SEPTIN9: variants seen among roughly 807,000 people sequenced by gnomAD.
SEPTIN9 encodes septin 9, also known as septin-9.
In SEPTIN9, 13 loss-of-function variants were observed where a neutral mutation model predicts 56.6. The ratio of observed to expected loss-of-function variants is 0.23; its 90% CI spans 0.15 to 0.37. The LOEUF is 0.37. SEPTIN9 is among the 10% of genes least tolerant of loss of function. The probability of loss-of-function intolerance (pLI) is 1.00; values close to 1 mark genes in which losing one functional copy is unlikely to be tolerated. For missense variants in SEPTIN9, 650 were observed against 823.1 expected (o/e 0.79, Z 2.57); for synonymous variants, 332 against 334.1 (o/e 0.99, Z 0.07).
At chr17:77,401,816 C>T (rs1424281078) in intron 2 of SEPTIN9, among the ~76,000 whole-genome samples, 2 of 152,126 alleles carry the variant, frequency 1.3e-5, no homozygotes, top group East Asian at 3.9e-4. Flanking sequence ...TGCGCCGTGG[C>T]CATGGCAAGA....
rs918262818 is a variant in SEPTIN9, at chr17:77,330,207, G to A, written c.76+23010G>A. ...CGTCCTGTGCCGTGGGTGAGAGAGG[G>A]CTTCGGGGGGACTTCCCCCTCTTGG... is the stretch of plus-strand genomic sequence containing the variant. On this transcript the variant is annotated intron_variant, in intron 2 of 11. Coordinates refer to ENST00000427177, the MANE Select transcript of SEPTIN9 (RefSeq NM_001113491.2). The surrounding 1 kb of genome is among the most constrained non-coding windows in gnomAD (Gnocchi z 4.4). 2.6e-5 allele frequency among the ~76,000 whole-genome samples: 4 copies of A among 152,260 alleles called. No individual in the cohort carries two copies. The highest frequency in any genetic ancestry group is 9.6e-5 in the African/African-American group (4 of 41,482).
At chr17:77,468,710 G>A (rs2038854072) in intron 3 of SEPTIN9, among the ~76,000 whole-genome samples, 2 of 152,174 alleles carry the variant, frequency 1.3e-5, no homozygotes, top group South Asian at 4.1e-4. Context: ...CAGGTGCAAT[G>A]GAAACCAGTC....
At chr17:77,493,209 G>T in intron 10 of SEPTIN9, 133 bp downstream of exon 10, 1 of 710,100 alleles carries the variant, frequency 1.4e-6, no homozygotes, top group South Asian at 1.6e-5. Flanking sequence ...CCAGAGGGAG[G>T]GGTCTCCTTG....
At chr17:77,398,597 G>A (rs2035800947) in intron 2 of SEPTIN9, among the ~76,000 whole-genome samples, 1 of 152,224 alleles carries the variant, frequency 6.6e-6, no homozygotes, top group African/African-American at 2.4e-5. Context: ...TTCCAGCCGG[G>A]ACATGGTTTC....
At position 77,499,397 on chromosome 17, in the gene SEPTIN9, C is replaced by A. The variant is rs763352802; in HGVS notation, c.*739C>A. The A allele has an allele frequency of 3.7e-6, 2 of 545,662 alleles. No homozygotes were observed. Among genetic ancestry groups the A allele is most frequent in the Non-Finnish European group, 7.1e-6 (2 of 281,780 alleles). 33.8% of individuals were successfully genotyped at this position (545,662 alleles called of 1,614,324 possible). A position where few individuals can be genotyped will look rare whatever the true frequency, so the allele number is the denominator to read the frequency against. ...CCCTCTCACGCCACCCCCGCCCCCA[C>A]CGGGCTGCAGGTGCTGCTGATGCGC... On this transcript the variant is annotated 3_prime_UTR_variant, in exon 12 of 12. Transcript: ENST00000427177.
rs1216715160 is a variant in SEPTIN9, at chr17:77,425,643, A to G, written c.721+22940A>G. Among the ~76,000 whole-genome samples the G allele has an allele frequency of 6.6e-6, 1 of 152,040 alleles. No individual in the cohort carries two copies. The highest frequency in any genetic ancestry group is 1.5e-5 in the Non-Finnish European group (1 of 68,004). On this transcript the variant is annotated intron_variant, in intron 3 of 11. Coordinates refer to ENST00000427177, the MANE Select transcript of SEPTIN9 (RefSeq NM_001113491.2). The surrounding 1 kb of genome is among the most constrained non-coding windows in gnomAD (Gnocchi z 4.2). Reference sequence around the variant, plus strand: ...AGCCTCAGCCAGAGAGGGACCCTCCACTGCCTCTTTCTCTGTCTCTTGGGA... The same window carrying G: ...AGCCTCAGCCAGAGAGGGACCCTCCGCTGCCTCTTTCTCTGTCTCTTGGGA...
At chr17:77,485,001 A>T (rs150303679) in intron 4 of SEPTIN9, among the ~76,000 whole-genome samples, 3 of 1,150 alleles carry the variant, frequency 2.6e-3, no homozygotes, top group Non-Finnish European at 5.0e-3. Flanking sequence ...ATGGTGGTGA[A>T]GGGGGTGATG....
Position 77,349,366 on chromosome 17 carries a change from T to C in SEPTIN9, c.76+42169T>C, listed in dbSNP as rs192834366. 3.3e-3 allele frequency among the ~76,000 whole-genome samples: 500 copies of C among 152,324 alleles called. 5 individuals carry two copies. The highest frequency in any genetic ancestry group is 0.011 in the African/African-American group (471 of 41,570). On this transcript the variant is annotated intron_variant, in intron 2 of 11. Coordinates refer to ENST00000427177, the MANE Select transcript of SEPTIN9 (RefSeq NM_001113491.2). ...TCCTGACCTCAAGTGATCTGCCTGC[T>C]TTGGCCTCCTAAAATGCTGGGATTA...
At chr17:77,426,173 C>T (rs779392059) in intron 3 of SEPTIN9, among the ~76,000 whole-genome samples, 3 of 152,028 alleles carry the variant, frequency 2.0e-5, no homozygotes, top group African/African-American at 7.2e-5. Context: ...GCACTCCTCC[C>T]GAATCCGAGT....
At position 77,373,350 on chromosome 17, in the gene SEPTIN9, A is replaced by T. The variant is rs983070054; in HGVS notation, c.77-28709A>T. On this transcript the variant is annotated intron_variant, in intron 2 of 11. Transcript: ENST00000427177. ...CCTTCCTCCCCCATTCATTCAGCTGAGCCAGGGGGCCTAGGGGCTCCTCCG... is the reference window on the plus strand; with the variant it reads ...CCTTCCTCCCCCATTCATTCAGCTGTGCCAGGGGGCCTAGGGGCTCCTCCG... 9.3e-6 allele frequency: 11 copies of T among 1,185,284 alleles called. No homozygotes were observed. The African/African-American group carries it at 1.8e-4, about 19-fold the overall frequency. The allele number at this position is 1,185,284 out of a possible 1,614,324, so 73.4% of individuals were successfully genotyped here.
At chr17:77,493,466 A>G (rs220035) in intron 10 of SEPTIN9, among the ~76,000 whole-genome samples, 85,525 of 151,694 alleles carry the variant, frequency 0.56, 26,221 homozygotes, top group African/African-American at 0.82. Context: ...TCGGCCCCTT[A>G]CCCTGCTGAA....
At chr17:77,409,559 C>T (rs1291421582) in intron 3 of SEPTIN9, among the ~76,000 whole-genome samples, 1 of 152,190 alleles carries the variant, frequency 6.6e-6, no homozygotes, top group African/African-American at 2.4e-5. Flanking sequence ...CTGCTCCGCC[C>T]CCTGCAGCTC....
intron 3 of SEPTIN9, among the ~76,000 whole-genome samples, chr17:77,454,795 A>G (rs2038124680): frequency 6.6e-6 from 1 of 152,222 alleles, no homozygotes; most frequent in Non-Finnish European, 1.5e-5. Flanking sequence ...TAACACCCAG[A>G]GGTCTGGGCC....
chr17:77,321,709 C>T (rs2032940901), intron 2 of SEPTIN9, among the ~76,000 whole-genome samples: 1 of 152,226 alleles, frequency 6.6e-6, no homozygotes, highest in South Asian at 2.1e-4. Context: ...TCTTGATTGT[C>T]ACGTTGGGAC....
In SEPTIN9 at chr17:77,436,003, G is replaced by A. The variant is rs952974111; in HGVS notation, c.721+33300G>A. Among the ~76,000 whole-genome samples, 5 of 152,208 alleles carry A rather than the reference G, an allele frequency of 3.3e-5. No homozygotes were observed. The highest frequency in any genetic ancestry group is 2.1e-4 in the South Asian group (1 of 4,836). On this transcript the variant is annotated intron_variant, in intron 3 of 11. Transcript: ENST00000427177. This position sits in a 1 kb window ranked among gnomAD's most constrained non-coding sequence, Gnocchi z 4.4. ...CTGGAGGACCAAGGGAGAACTGAGC[G>A]CGTGTTCTCTTGGCCTCAGCCTCGT...
At chr17:77,288,269 G>A (rs2031366384) in intron 1 of SEPTIN9, 1 of 982,806 alleles carries the variant, frequency 1.0e-6, no homozygotes, top group Non-Finnish European at 1.2e-6. Context: ...CTGTGACGAG[G>A]CCTGCGCCAT....
At position 77,449,066 on chromosome 17, in the gene SEPTIN9, G is replaced by A. The variant is rs556742691; in HGVS notation, c.722-33078G>A. On this transcript the variant is annotated intron_variant, in intron 3 of 11. Transcript: ENST00000427177. This position sits in a 1 kb window ranked among gnomAD's most constrained non-coding sequence, Gnocchi z 4.6. ...CCCAAAGTGCTGGTATGACAGGCGTGAGCCACTGTGCCTGGCTTGTTCTTA... is the reference window on the plus strand; with the variant it reads ...CCCAAAGTGCTGGTATGACAGGCGTAAGCCACTGTGCCTGGCTTGTTCTTA... 2.5e-3 allele frequency among the ~76,000 whole-genome samples: 386 copies of A among 152,276 alleles called. No individual in the cohort carries two copies. The highest frequency in any genetic ancestry group is 5.0e-3 in the Non-Finnish European group (338 of 68,024).
rs559699542 is a variant in SEPTIN9, at chr17:77,458,656, G to A, written c.722-23488G>A. Among the ~76,000 whole-genome samples, 7 of 152,336 alleles carry A rather than the reference G, an allele frequency of 4.6e-5. No homozygotes were observed. The South Asian group carries it at 8.3e-4, about 18-fold the overall frequency. ...GAACCTGGACACAGAAGTGCTAATTGTGTGTTACCAGCTGCGGTGGCTGCC... is the reference window on the plus strand; with the variant it reads ...GAACCTGGACACAGAAGTGCTAATTATGTGTTACCAGCTGCGGTGGCTGCC... On this transcript the variant is annotated intron_variant, in intron 3 of 11. Coordinates refer to ENST00000427177, the MANE Select transcript of SEPTIN9 (RefSeq NM_001113491.2).
chr17:77,384,164 C>G (rs946464506), intron 2 of SEPTIN9, among the ~76,000 whole-genome samples: 1 of 152,104 alleles, frequency 6.6e-6, no homozygotes, highest in African/African-American at 2.4e-5. Flanking sequence ...TGGGGGCTGG[C>G]TGGGGGCTGC....
Sources: allele counts gnomAD v4.1 joint callset (sites outside exome capture counted in the v4.1 genomes callset), GRCh38; gene constraint gnomAD v4.1.1; non-coding constraint Gnocchi (gnomAD v3.1); transcripts MANE v1.5; gene names NCBI Gene and HGNC (gene_info 2026-07-23, HGNC 2026-07-21).